Variants in ADCK1 observed in about 807,000 individuals in gnomAD.
ADCK1 encodes the protein aarF domain-containing protein kinase 1.
ADCK1 carries 41 observed loss-of-function variants against 52.3 expected under a neutral mutation model. The ratio of observed to expected loss-of-function variants is 0.78; its 90% CI spans 0.61 to 1.02. ADCK1 has a LOEUF of 1.02. ADCK1 is among the 50% of genes least tolerant of loss of function. ADCK1 has a pLI of 0.00. For missense variants in ADCK1, 658 were observed against 679.5 expected (o/e 0.97, Z 0.35); for synonymous variants, 250 against 274.6 (o/e 0.91, Z 0.89).
intron 3 of ADCK1, among the ~76,000 whole-genome samples, chr14:77,854,316 A>G (rs1249239508): frequency 6.6e-6 from 1 of 152,206 alleles, no homozygotes; most frequent in Non-Finnish European, 1.5e-5. Context: ...AGCTCCAGTA[A>G]GAGGAGAGGT....
chr14:77,852,057 G>C (rs2082294846), intron 3 of ADCK1, among the ~76,000 whole-genome samples: 1 of 151,764 alleles, frequency 6.6e-6, no homozygotes. Flanking sequence ...GGAGTGCAGT[G>C]GTGCGATCTC....
At chr14:77,927,398 A>G (rs952885317) in intron 9 of ADCK1, among the ~76,000 whole-genome samples, 1 of 152,354 alleles carries the variant, frequency 6.6e-6, no homozygotes, top group South Asian at 2.1e-4. Flanking sequence ...CTTTATTGAC[A>G]GTGCATGTAA....
chr14:77,829,015 C>G (rs111773389), intron 3 of ADCK1, among the ~76,000 whole-genome samples: 1 of 151,218 alleles, frequency 6.6e-6, no homozygotes, highest in African/African-American at 2.4e-5. Flanking sequence ...TTGATATACC[C>G]CCAACCTATA....
intron 1 of ADCK1, among the ~76,000 whole-genome samples, chr14:77,814,556 G>C (rs139208622): frequency 6.6e-6 from 1 of 151,638 alleles, no homozygotes; most frequent in Non-Finnish European, 1.5e-5. Flanking sequence ...AGCAAATGGC[G>C]AAACCCCATC....
At position 77,859,160 on chromosome 14, in the gene ADCK1, G is replaced by A; in HGVS notation, c.304G>A (p.Ala102Thr). Reference protein sequence around the residue: ...TFIKVGQHLGALDYLLPEEYT... With the variant: ...TFIKVGQHLGTLDYLLPEEYT... ...CATCAAGGTGGGCCAGCACCTGGGGGCTCTGGACTACCTGTTGCCAGAGGA... is the reference window on the plus strand; with the variant it reads ...CATCAAGGTGGGCCAGCACCTGGGGACTCTGGACTACCTGTTGCCAGAGGA... The change falls in exon 4 of 11, where the codon GCT becomes ACT. Residue 102 changes from alanine to threonine, a missense_variant. Physicochemically the swap from Ala to Thr is moderately conservative, Grantham distance 58 (BLOSUM62 0). Coordinates refer to ENST00000238561, the MANE Select transcript of ADCK1 (RefSeq NM_020421.4). 2 of 1,613,930 alleles carry A rather than the reference G, an allele frequency of 1.2e-6. No individual in the cohort carries two copies. The highest frequency in any genetic ancestry group is 1.7e-6 in the Non-Finnish European group (2 of 1,179,998).
At chr14:77,926,513 C>T (rs778745560) in intron 9 of ADCK1, among the ~76,000 whole-genome samples, 6 of 152,172 alleles carry the variant, frequency 3.9e-5, no homozygotes, top group Non-Finnish European at 5.9e-5. Context: ...CGGAGTCTCG[C>T]TCTGTCGCCC....
At chr14:77,860,343 G>A (rs2082516883) in intron 4 of ADCK1, among the ~76,000 whole-genome samples, 1 of 152,246 alleles carries the variant, frequency 6.6e-6, no homozygotes, top group Non-Finnish European at 1.5e-5. Context: ...GGATGAACTA[G>A]AAATAGTGTT....
rs1566725064 is a variant in ADCK1 at position 77,907,880 on chromosome 14, C to T, written c.819C>T (p.Asp273=). ...MEFVDGGQVN[D]RDYMERNKID... ...TTGTGGATGGCGGGCAGGTCAATGA[C>T]AGAGACTACATGGAGAGGAACAAGA... Residue 273 remains aspartate (D), a synonymous_variant, in exon 7 of 11, where the codon GAC becomes GAT. Coordinates refer to ENST00000238561, the MANE Select transcript of ADCK1 (RefSeq NM_020421.4). 1.2e-6 allele frequency: 2 copies of T among 1,613,994 alleles called. No homozygotes were observed. The highest frequency in any genetic ancestry group is 1.7e-5 in the Admixed American group (1 of 60,000).
At chr14:77,865,995 A>G (rs2082652915) in intron 4 of ADCK1, among the ~76,000 whole-genome samples, 2 of 152,192 alleles carry the variant, frequency 1.3e-5, no homozygotes, top group Admixed American at 1.3e-4. Context: ...GCTTTCTGAT[A>G]ACTGGTACAG....
At chr14:77,858,519 C>T (rs575865642) in intron 3 of ADCK1, among the ~76,000 whole-genome samples, 2 of 152,208 alleles carry the variant, frequency 1.3e-5, no homozygotes, top group South Asian at 2.1e-4. Flanking sequence ...GGATTACAAG[C>T]GTGAGCCACC....
intron 3 of ADCK1, among the ~76,000 whole-genome samples, chr14:77,831,512 A>C (rs575513259): frequency 2.6e-5 from 4 of 152,302 alleles, no homozygotes; most frequent in African/African-American, 9.6e-5. Context: ...TTTGGGTTGG[A>C]GTATGGGACA....
chr14:77,889,810 G>A (rs769176097), intron 5 of ADCK1, among the ~76,000 whole-genome samples: 2 of 148,768 alleles, frequency 1.3e-5, no homozygotes, highest in Admixed American at 6.8e-5. Flanking sequence ...TACAAATTCA[G>A]CATGTATGAG....
intron 1 of ADCK1, among the ~76,000 whole-genome samples, chr14:77,803,844 G>A (rs898310442): frequency 2.6e-5 from 4 of 152,188 alleles, no homozygotes; most frequent in Non-Finnish European, 5.9e-5. Flanking sequence ...GAGTCCAGGT[G>A]TTCCTATCAA....
At chr14:77,804,997 G>A (rs67404470) in intron 1 of ADCK1, among the ~76,000 whole-genome samples, 50,547 of 151,264 alleles carry the variant, frequency 0.33, 9,708 homozygotes, top group East Asian at 0.5. Context: ...ACCTGAGGTT[G>A]GGAGTTTGAG....
chr14:77,916,069 G>T (rs2083918051), intron 7 of ADCK1, among the ~76,000 whole-genome samples: 1 of 152,200 alleles, frequency 6.6e-6, no homozygotes, highest in African/African-American at 2.4e-5. Flanking sequence ...GGGGAAACAT[G>T]TAGGGAAGAA....
chr14:77,904,287 T>C (rs2083609877), intron 6 of ADCK1, among the ~76,000 whole-genome samples: 1 of 152,094 alleles, frequency 6.6e-6, no homozygotes, highest in Non-Finnish European at 1.5e-5. Context: ...GGAGGTGGGG[T>C]TGTGCTTCCA....
At chr14:77,814,432 A>AAAT (rs2081399102) in intron 1 of ADCK1, among the ~76,000 whole-genome samples, 1 of 150,590 alleles carries the variant, frequency 6.6e-6, no homozygotes, top group South Asian at 2.1e-4. Context: ...TACTGAAAAA[A>AAAT]AAAACAAAAA....
chr14:77,807,195 A>G (rs1594844885), intron 1 of ADCK1, among the ~76,000 whole-genome samples: 1 of 150,992 alleles, frequency 6.6e-6, no homozygotes, highest in African/African-American at 2.4e-5. Flanking sequence ...CAGCCTCCCA[A>G]GTAGCTGGGA....
chr14:77,837,680 T>TA (rs2081989998), intron 3 of ADCK1, among the ~76,000 whole-genome samples: 1 of 152,228 alleles, frequency 6.6e-6, no homozygotes, highest in Non-Finnish European at 1.5e-5. Context: ...CAGTGGTCCA[T>TA]ACAGCATGGG....
Sources: gnomAD v4.1 joint callset for allele counts (sites outside exome capture counted in the v4.1 genomes callset) on GRCh38, gnomAD v4.1.1 for gene constraint, MANE v1.5 for transcripts, NCBI Gene and HGNC (gene_info 2026-07-23, HGNC 2026-07-21) for gene names.